The following GAS6 variants were observed in gnomAD, a reference collection of about 807,000 sequenced individuals.
GAS6 encodes growth arrest-specific protein 6.
In GAS6, 41 loss-of-function variants were observed where a neutral mutation model predicts 75.8. The ratio of observed to expected loss-of-function variants is 0.54; its 90% CI spans 0.42 to 0.70. The LOEUF (loss-of-function observed/expected upper bound fraction) is 0.70. GAS6 is among the 30% of genes least tolerant of loss of function. The pLI, the probability that GAS6 is intolerant of heterozygous loss-of-function variation, is 0.00. For synonymous variants in GAS6, 432 were observed against 412.6 expected (o/e 1.05, Z -0.57); for missense variants, 854 against 940.2 (o/e 0.91, Z 1.20).
At chr13:113,835,713 G>C (rs2051694782) in intron 6 of GAS6, 78 bp from the exon 7 acceptor site, 2 of 1,558,022 alleles carry the variant, frequency 1.3e-6, no homozygotes, top group African/African-American at 2.7e-5. Context: ...TGCAGGGACT[G>C]GCCAGGGCAC....
At position 113,848,697 on chromosome 13, in the gene GAS6, C is replaced by G. The variant is rs2051851801; in HGVS notation, c.256-647G>C. Among the ~76,000 whole-genome samples the G allele has an allele frequency of 6.6e-6, 1 of 152,186 alleles. No individual in the cohort carries two copies. The highest frequency in any genetic ancestry group is 2.4e-5 in the African/African-American group (1 of 41,442). On this transcript the variant is annotated intron_variant, in intron 2 of 14. Coordinates refer to ENST00000327773, the MANE Select transcript of GAS6 (RefSeq NM_000820.4). This position sits in a 1 kb window ranked among gnomAD's most constrained non-coding sequence, Gnocchi z 4.8. Reference sequence around the variant, plus strand: ...CTCCAATCTCCAGCTTAGGGTCAACCATGCCAGCAGTTTGGCCCTAAATGC... The same window carrying G: ...CTCCAATCTCCAGCTTAGGGTCAACGATGCCAGCAGTTTGGCCCTAAATGC...
chr13:113,851,121 G>T (rs79155855), intron 2 of GAS6, among the ~76,000 whole-genome samples: 2,549 of 152,162 alleles, frequency 0.017, 68 homozygotes, highest in African/African-American at 0.058. Flanking sequence ...ATGAGTGGGT[G>T]GATGAGTAAA....
chr13:113,824,986 AGGTG>A (rs1353141017), intron 12 of GAS6, among the ~76,000 whole-genome samples: 1 of 152,162 alleles, frequency 6.6e-6, no homozygotes, highest in African/African-American at 2.4e-5. Flanking sequence ...TGGGAGGCTG[AGGTG>A]GGTGGATCAC....
rs762589571 is a variant in GAS6 at position 113,828,638 on chromosome 13, G to T, written c.1217C>A (p.Ala406Asp). ...TCGCTCCGGTTGGAACAAGTCCCCG[G>T]CCACCGCGATTTTCATGACAGCATC... is the stretch of plus-strand genomic sequence containing the variant. ...NRDAVMKIAVAGDLFQPERGL... is the reference protein window; with the variant it reads ...NRDAVMKIAVDGDLFQPERGL... The change falls in exon 11 of 15, where the codon GCC (alanine) becomes GAC (aspartate). Residue 406 changes from alanine (A) to aspartate (D), a missense_variant. Ala to Asp is a moderately radical substitution (Grantham distance 126). Transcript: ENST00000327773. The T allele has an allele frequency of 6.2e-7, 1 of 1,613,600 alleles. No homozygotes were observed. Among genetic ancestry groups the T allele is most frequent in the Non-Finnish European group, 8.5e-7 (1 of 1,179,996 alleles).
rs1566349045 is a variant in GAS6, at chr13:113,820,730, C to CAGAT, written c.*130_*133dup. The CAGAT allele has an allele frequency of 4.7e-6, 5 of 1,062,670 alleles. No individual in the cohort carries two copies. The allele number at this position is 1,062,670 out of a possible 1,614,324, so 65.8% of individuals were successfully genotyped here. On this transcript the variant is annotated 3_prime_UTR_variant, in exon 15 of 15. Transcript: ENST00000327773. ...GGCCCCAAGTCCATCTCACTATTTA[C>CAGAT]AGATATGTTACAGGCCGGGATGGTC...
At chr13:113,829,366 G>C (rs868441536) in intron 10 of GAS6, among the ~76,000 whole-genome samples, 1 of 72,308 alleles carries the variant, frequency 1.4e-5, no homozygotes, top group Admixed American at 1.5e-4. Flanking sequence ...AGAGGGACCT[G>C]ACCTCAGGGA....
At chr13:113,822,249 A>C (rs1594186136) in intron 13 of GAS6, 63 bp from the exon 14 acceptor site, 7 of 1,306,002 alleles carry the variant, frequency 5.4e-6, no homozygotes, top group Non-Finnish European at 7.3e-6. Context: ...GTTAGGTCCA[A>C]GCTGGTCCTC....
At chr13:113,842,378 G>T in intron 4 of GAS6, 1 of 391,874 alleles carries the variant, frequency 2.6e-6, no homozygotes, top group Non-Finnish European at 4.5e-6. Flanking sequence ...GCACACAGGG[G>T]CTGGGGCTGG....
chr13:113,850,805 A>G (rs1414896049), intron 2 of GAS6, among the ~76,000 whole-genome samples: 1 of 151,544 alleles, frequency 6.6e-6, no homozygotes, highest in East Asian at 2.0e-4. Context: ...TGAATGGATG[A>G]ATGACTGAAC....
chr13:113,834,446 C>T, intron 8 of GAS6, 105 bp downstream of exon 8: 1 of 1,245,218 alleles, frequency 8.0e-7, no homozygotes, highest in Non-Finnish European at 1.1e-6. Context: ...TCCCCAACAC[C>T]TTAGCAAAGG....
intron 2 of GAS6, among the ~76,000 whole-genome samples, chr13:113,858,863 ATG>A (rs148721913): frequency 0.078 from 9,934 of 126,860 alleles, 481 homozygotes; most frequent in East Asian, 0.2. Flanking sequence ...GTCATTATGC[ATG>A]TGTGTACATG....
rs562381726 is a variant in GAS6, at chr13:113,820,911, C to T, written c.1990G>A (p.Asp664Asn). The T allele has an allele frequency of 1.1e-5, 17 of 1,612,152 alleles. No homozygotes were observed. Among genetic ancestry groups the T allele is most frequent in the East Asian group, 4.5e-5 (2 of 44,868 alleles). Reference sequence around the variant, plus strand: ...GGGGGGCAGGAGTGGGCCGTGATGTCGCTGTGCTTGTACGCCGCCTCGTCC... The same window carrying T: ...GGGGGGCAGGAGTGGGCCGTGATGTTGCTGTGCTTGTACGCCGCCTCGTCC... ...DLDEAAYKHS[D>N]ITAHSCPPVE... The change falls in exon 15 of 15, where the codon GAC (aspartate) becomes AAC (asparagine). Residue 664 changes from aspartate to asparagine, a missense_variant. By Grantham distance (23) the Asp-to-Asn change is conservative. Coordinates refer to ENST00000327773, the MANE Select transcript of GAS6 (RefSeq NM_000820.4).
At position 113,835,612 on chromosome 13, in the gene GAS6, C is replaced by G. The variant is rs745897453; in HGVS notation, c.613G>C (p.Glu205Gln). ...TTGCAGCGCGCCTCCCCGCAGGCCTCCGAGTCTGCGCACTCGTCTATGTCT... is the reference window on the plus strand; with the variant it reads ...TTGCAGCGCGCCTCCCCGCAGGCCTGCGAGTCTGCGCACTCGTCTATGTCT... ...CQDIDECADS[E>Q]ACGEARCKNL... Residue 205 changes from glutamate (E) to glutamine (Q), a missense_variant, in exon 7 of 15, where the codon GAG (glutamate) becomes CAG (glutamine). By Grantham distance (29) the Glu-to-Gln change is conservative (BLOSUM62 2). Transcript: ENST00000327773. The G allele has an allele frequency of 3.7e-6, 6 of 1,612,252 alleles. No individual in the cohort carries two copies. Among genetic ancestry groups the G allele is most frequent in the Non-Finnish European group, 5.1e-6 (6 of 1,179,862 alleles).
Position 113,821,852 on chromosome 13 carries a change from G to A in GAS6, c.1882+106C>T, listed in dbSNP as rs550391184. On this transcript the variant is annotated intron_variant, in intron 14 of 14. Transcript: ENST00000327773. The stretch of plus-strand genomic sequence containing the variant: ...CCTCTTAAAACACAAGTCCTCTTCC[G>A]CATTCACTACCAGAAACCCCAGCCT... The A allele has an allele frequency of 7.7e-4, 657 of 857,142 alleles. 2 individuals carry two copies. Among genetic ancestry groups the A allele is most frequent in the South Asian group, 1.1e-3 (57 of 54,264 alleles). The allele number at this position is 857,142 out of a possible 1,614,324, so 53.1% of individuals were successfully genotyped here.
rs982343297 is a variant in GAS6, at chr13:113,845,424, A to C, written c.343+1103T>G. On this transcript the variant is annotated intron_variant, in intron 4 of 14. Transcript: ENST00000327773. The surrounding 1 kb of genome is among the most constrained non-coding windows in gnomAD (Gnocchi z 4.3). ...TCTCAGCGCCCACAGGGACTCACCA[A>C]GCTGGACTTTCATCTAAAACTAGAC... is the stretch of plus-strand genomic sequence containing the variant. The C allele has an allele frequency of 6.7e-6, 1 of 150,346 alleles. No individual in the cohort carries two copies. Among genetic ancestry groups the C allele is most frequent in the East Asian group, 1.9e-4 (1 of 5,172 alleles). The allele number at this position is 150,346 out of a possible 1,614,324, so 9.3% of individuals were successfully genotyped here.
rs1402919859 is a variant in GAS6 at position 113,821,949 on chromosome 13, A to AGCACCTACCTGGCAGGCC, written c.1873_1882+8dup. On this transcript the variant is annotated intron_variant, in intron 14 of 14. Transcript: ENST00000327773. ...TTCACCCGGGTTGAGCGGAGCAGGGAGCACCTACCTGGCAGGCCGCCAGCA... is the reference window on the plus strand; with the variant it reads ...TTCACCCGGGTTGAGCGGAGCAGGGAGCACCTACCTGGCAGGCCGCACCTACCTGGCAGGCCGCCAGCA... 7 of 1,522,822 alleles carry AGCACCTACCTGGCAGGCC rather than the reference A, an allele frequency of 4.6e-6. No homozygotes were observed. The highest frequency in any genetic ancestry group is 1.2e-5 in the South Asian group (1 of 81,792). 94.3% of individuals were successfully genotyped at this position (1,522,822 alleles called of 1,614,324 possible). A position where few individuals can be genotyped will look rare whatever the true frequency, so the allele number is the denominator to read the frequency against.
At chr13:113,862,402 G>A (rs528521453) in intron 2 of GAS6, among the ~76,000 whole-genome samples, 28 of 152,340 alleles carry the variant, frequency 1.8e-4, no homozygotes, top group African/African-American at 6.5e-4. Context: ...ACAGCTGGGC[G>A]GCGACTCCGA....
At chr13:113,849,117 C>T (rs1273666159) in intron 2 of GAS6, among the ~76,000 whole-genome samples, 5 of 152,328 alleles carry the variant, frequency 3.3e-5, no homozygotes, top group Middle Eastern at 6.8e-3. Flanking sequence ...GCCTTGCCAA[C>T]ACCCTCCTGA....
rs1177336737 is a variant in GAS6 at position 113,845,480 on chromosome 13, T to C, written c.343+1047A>G. On this transcript the variant is annotated intron_variant, in intron 4 of 14. Transcript: ENST00000327773. The surrounding 1 kb of genome is among the most constrained non-coding windows in gnomAD (Gnocchi z 4.3). The stretch of plus-strand genomic sequence containing the variant: ...TGACGCCAGCGGACCACAGACCCAG[T>C]GCAAGGGGAGCTGTGTGGGTTGTGC... 1 of 150,140 alleles carries C rather than the reference T, an allele frequency of 6.7e-6. No individual in the cohort carries two copies. The highest frequency in any genetic ancestry group is 1.9e-4 in the East Asian group (1 of 5,188). 9.3% of individuals were successfully genotyped at this position (150,140 alleles called of 1,614,324 possible).
Sources: allele counts gnomAD v4.1 joint callset (sites outside exome capture counted in the v4.1 genomes callset), GRCh38; gene constraint gnomAD v4.1.1; non-coding constraint Gnocchi (gnomAD v3.1); transcripts MANE v1.5; gene names NCBI Gene and HGNC (gene_info 2026-07-23, HGNC 2026-07-21).